EYA2: variants seen among roughly 807,000 people sequenced by gnomAD.
EYA2 encodes protein phosphatase EYA2.
In EYA2, 31 loss-of-function variants were observed where a neutral mutation model predicts 69.2. The ratio of observed to expected loss-of-function variants is 0.45; its 90% CI spans 0.34 to 0.60. The LOEUF (loss-of-function observed/expected upper bound fraction) is 0.60. Ranked by LOEUF, EYA2 falls within the 20% of genes least tolerant of loss-of-function variation. The pLI, the probability that EYA2 is intolerant of heterozygous loss-of-function variation, is 0.02. For missense variants in EYA2, 622 were observed against 701.2 expected (o/e 0.89, Z 1.28); for synonymous variants, 257 against 279.4 (o/e 0.92, Z 0.80).
At chr20:47,072,103 G>T in intron 5 of EYA2, 82 bp from the exon 6 acceptor site, 1 of 1,253,888 alleles carries the variant, frequency 8.0e-7, no homozygotes, top group Non-Finnish European at 1.2e-6. Flanking sequence ...CATGGAGGGA[G>T]GTTCATGAAA....
intron 1 of EYA2, among the ~76,000 whole-genome samples, chr20:46,981,143 C>T (rs1980809935): frequency 6.6e-6 from 1 of 152,092 alleles, no homozygotes; most frequent in Non-Finnish European, 1.5e-5. Context: ...TTTAGTCGGC[C>T]TTTGAGGAAA....
rs539909336 is a variant in EYA2, at chr20:46,910,725, A to G, written c.-11+15738A>G. Among the ~76,000 whole-genome samples the G allele has an allele frequency of 1.2e-3, 188 of 152,336 alleles. 1 individual carries two copies. Among genetic ancestry groups the G allele is most frequent in the Non-Finnish European group, 1.5e-3 (105 of 68,032 alleles). On this transcript the variant is annotated intron_variant, in intron 1 of 15. Transcript: ENST00000327619. ...CTCCATCTAGGGGCATGGCAGTAACATCGGGTACACACAGAGGTTGCACAC... is the reference window on the plus strand; with the variant it reads ...CTCCATCTAGGGGCATGGCAGTAACGTCGGGTACACACAGAGGTTGCACAC...
At chr20:46,980,235 T>G (rs1240782960) in intron 1 of EYA2, among the ~76,000 whole-genome samples, 1 of 152,218 alleles carries the variant, frequency 6.6e-6, no homozygotes, top group African/African-American at 2.4e-5. Context: ...AACGAGCCAG[T>G]GCATGCAGAG....
chr20:47,026,553 A>G (rs1363486919), intron 5 of EYA2, among the ~76,000 whole-genome samples: 4 of 152,218 alleles, frequency 2.6e-5, no homozygotes, highest in Non-Finnish European at 5.9e-5. Flanking sequence ...GAAAAGAAAT[A>G]TTTACATCTG....
At chr20:47,085,450 A>G (rs985849525) in intron 7 of EYA2, among the ~76,000 whole-genome samples, 3 of 152,002 alleles carry the variant, frequency 2.0e-5, no homozygotes, top group Non-Finnish European at 2.9e-5. Flanking sequence ...GATCGAGACC[A>G]CCCTGGCCAA....
chr20:46,982,969 TCAC>T (rs1198853418), intron 1 of EYA2, among the ~76,000 whole-genome samples: 1 of 152,038 alleles, frequency 6.6e-6, no homozygotes, highest in African/African-American at 2.4e-5. Context: ...AGGTGGGGTT[TCAC>T]CATGTTGGCC....
chr20:46,928,888 G>C (rs552116248), intron 1 of EYA2, among the ~76,000 whole-genome samples: 2 of 152,188 alleles, frequency 1.3e-5, no homozygotes, highest in Admixed American at 1.3e-4. Context: ...CCGATGTTAG[G>C]GGCCTCTACC....
chr20:47,145,932 G>C (rs1415474982), intron 10 of EYA2, among the ~76,000 whole-genome samples: 2 of 151,822 alleles, frequency 1.3e-5, no homozygotes, highest in Non-Finnish European at 2.9e-5. Flanking sequence ...GAAAAGAAAT[G>C]TGGAGGCAGA....
At chr20:47,045,766 C>T (rs780442991) in intron 5 of EYA2, among the ~76,000 whole-genome samples, 16 of 152,108 alleles carry the variant, frequency 1.1e-4, no homozygotes, top group Non-Finnish European at 1.9e-4. Context: ...ATGGTATATG[C>T]GGGTTTGGGA....
At chr20:47,094,255 A>G (rs1324613434) in intron 8 of EYA2, among the ~76,000 whole-genome samples, 1 of 152,248 alleles carries the variant, frequency 6.6e-6, no homozygotes, top group East Asian at 1.9e-4. Context: ...TGAAATTTCT[A>G]AATTTAATTT....
chr20:46,935,812 A>G (rs1000014090), intron 1 of EYA2, among the ~76,000 whole-genome samples: 1 of 151,838 alleles, frequency 6.6e-6, no homozygotes, highest in Non-Finnish European at 1.5e-5. Context: ...TCGTTATATT[A>G]ATATAATATG....
Position 47,089,262 on chromosome 20 carries a change from C to T in EYA2, c.685C>T (p.Pro229Ser). ...LAGEYNTHNG[P>S]STPAKEGDTD... The stretch of plus-strand genomic sequence containing the variant: ...AGGTGAATACAACACACACAATGGA[C>T]CTTCCACACCAGCGAAAGAGGGAGA... The change falls in exon 8 of 16, where the codon CCT (proline) becomes TCT (serine). Residue 229 changes from proline to serine, a missense_variant. Physicochemically the swap from Pro to Ser is moderately conservative, Grantham distance 74. Coordinates refer to ENST00000327619, the MANE Select transcript of EYA2 (RefSeq NM_005244.5). 3.7e-6 allele frequency: 6 copies of T among 1,614,120 alleles called. No homozygotes were observed. The highest frequency in any genetic ancestry group is 5.1e-6 in the Non-Finnish European group (6 of 1,180,016).
At chr20:47,042,718 T>C (rs1985148614) in intron 5 of EYA2, among the ~76,000 whole-genome samples, 1 of 152,246 alleles carries the variant, frequency 6.6e-6, no homozygotes, top group Non-Finnish European at 1.5e-5. Flanking sequence ...TACCCTGCTA[T>C]ACTTGGACTT....
intron 1 of EYA2, among the ~76,000 whole-genome samples, chr20:46,915,948 T>C (rs1041244697): frequency 6.6e-6 from 1 of 152,212 alleles, no homozygotes; most frequent in Non-Finnish European, 1.5e-5. Flanking sequence ...GAAGTATTTC[T>C]TGAAACTGTG....
chr20:47,164,747 T>C (rs2034146121), intron 10 of EYA2, among the ~76,000 whole-genome samples: 1 of 151,960 alleles, frequency 6.6e-6, no homozygotes, highest in African/African-American at 2.4e-5. Context: ...ATGCCCTGGC[T>C]GAAGGAGGTA....
At chr20:47,173,493 A>G (rs2034366750) in intron 12 of EYA2, among the ~76,000 whole-genome samples, 1 of 144,584 alleles carries the variant, frequency 6.9e-6, no homozygotes, top group Non-Finnish European at 1.5e-5. Flanking sequence ...AGCCTGGGCA[A>G]CAAAGTGAGA....
At chr20:46,976,029 C>G (rs1450818183) in intron 1 of EYA2, among the ~76,000 whole-genome samples, 1 of 152,098 alleles carries the variant, frequency 6.6e-6, no homozygotes, top group Non-Finnish European at 1.5e-5. Context: ...AAGGATGGTG[C>G]TCTGAATAGG....
chr20:47,032,838 G>T lies in EYA2; in HGVS notation c.415+16541G>T, dbSNP rs543591136. On this transcript the variant is annotated intron_variant, in intron 5 of 15. Transcript: ENST00000327619. ...TGGTTAGTGTTATGGATATACCACGGCATTTAGCCATTCCCCTTGAAATGG... is the reference window on the plus strand; with the variant it reads ...TGGTTAGTGTTATGGATATACCACGTCATTTAGCCATTCCCCTTGAAATGG... 2.7e-4 allele frequency among the ~76,000 whole-genome samples: 41 copies of T among 152,312 alleles called. No homozygotes were observed. The Middle Eastern group carries it at 0.024, about 88-fold the overall frequency.
intron 1 of EYA2, among the ~76,000 whole-genome samples, chr20:46,958,667 A>T (rs1400762213): frequency 6.6e-6 from 1 of 151,906 alleles, no homozygotes; most frequent in Non-Finnish European, 1.5e-5. Context: ...CCCGTTAGTT[A>T]TTTTTCCTGA....
Sources: allele counts gnomAD v4.1 joint callset (sites outside exome capture counted in the v4.1 genomes callset), GRCh38; gene constraint gnomAD v4.1.1; transcripts MANE v1.5; gene names NCBI Gene and HGNC (gene_info 2026-07-23, HGNC 2026-07-21).